The following GALNT18 variants were observed in gnomAD, a reference collection of about 807,000 sequenced individuals.
GALNT18 encodes the protein GalNAc-transferase 18.
A neutral mutation model predicts 69.5 loss-of-function variants in GALNT18; 44 were observed. The observed-to-expected ratio is 0.63, with a 90% CI of 0.50 to 0.81. The LOEUF is 0.81. Ranked by LOEUF, GALNT18 falls within the 40% of genes least tolerant of loss-of-function variation. GALNT18 has a pLI of 0.00. For synonymous variants in GALNT18, 364 were observed against 318.2 expected (o/e 1.14, Z -1.53); for missense variants, 715 against 810.0 (o/e 0.88, Z 1.42).
At chr11:11,462,937 G>A (rs940293872) in intron 1 of GALNT18, among the ~76,000 whole-genome samples, 3 of 152,112 alleles carry the variant, frequency 2.0e-5, no homozygotes, top group South Asian at 2.1e-4. Context: ...AAACCCCAGA[G>A]CCTGAGCCCT....
chr11:11,526,503 T>C (rs1471943399), intron 1 of GALNT18, among the ~76,000 whole-genome samples: 1 of 152,230 alleles, frequency 6.6e-6, no homozygotes, highest in African/African-American at 2.4e-5. Flanking sequence ...AAATACATCA[T>C]TCTTTCTTTT....
In GALNT18 at chr11:11,318,457, G is replaced by C. The variant is rs950226679; in HGVS notation, c.1512+8629C>G. On this transcript the variant is annotated intron_variant, in intron 9 of 10. Coordinates refer to ENST00000227756, the MANE Select transcript of GALNT18 (RefSeq NM_198516.3). The surrounding 1 kb of genome is among the most constrained non-coding windows in gnomAD (Gnocchi z 5.1). ...TGATGTTAAGCTGCTACAAGCCAAGGGACCAGCAGAAGTTAGGAGAGTGCC... is the reference window on the plus strand; with the variant it reads ...TGATGTTAAGCTGCTACAAGCCAAGCGACCAGCAGAAGTTAGGAGAGTGCC... 1.3e-5 allele frequency among the ~76,000 whole-genome samples: 2 copies of C among 152,144 alleles called. No homozygotes were observed. Among genetic ancestry groups the C allele is most frequent in the Non-Finnish European group, 2.9e-5 (2 of 68,034 alleles).
At chr11:11,579,568 C>A (rs925375898) in intron 1 of GALNT18, among the ~76,000 whole-genome samples, 1 of 152,160 alleles carries the variant, frequency 6.6e-6, no homozygotes, top group African/African-American at 2.4e-5. Context: ...CCAGGGTACC[C>A]CATGGGCATC....
chr11:11,329,009 G>T (rs1037962837), intron 8 of GALNT18, among the ~76,000 whole-genome samples: 5 of 151,882 alleles, frequency 3.3e-5, no homozygotes, highest in African/African-American at 1.2e-4. Context: ...CATCCCTTAG[G>T]CAGGTAGTCC....
Position 11,465,486 on chromosome 11 carries a change from T to C in GALNT18, c.236-16550A>G, listed in dbSNP as rs1350105508. Among the ~76,000 whole-genome samples the C allele has an allele frequency of 2.0e-5, 3 of 152,118 alleles. No homozygotes were observed. Among genetic ancestry groups the C allele is most frequent in the African/African-American group, 7.2e-5 (3 of 41,408 alleles). ...CTCTGATCCTGGGGCTCGTGATCCGTATCCATGGCAGCTCAGTAGCCACAG... is the reference window on the plus strand; with the variant it reads ...CTCTGATCCTGGGGCTCGTGATCCGCATCCATGGCAGCTCAGTAGCCACAG... On this transcript the variant is annotated intron_variant, in intron 1 of 10. Coordinates refer to ENST00000227756, the MANE Select transcript of GALNT18 (RefSeq NM_198516.3). The surrounding 1 kb of genome is among the most constrained non-coding windows in gnomAD (Gnocchi z 5.7).
chr11:11,408,364 C>CAAAAA (rs57957956), intron 3 of GALNT18, among the ~76,000 whole-genome samples: 2 of 70,898 alleles, frequency 2.8e-5, no homozygotes, highest in African/African-American at 1.0e-4. Flanking sequence ...GACTTCATCT[C>CAAAAA]AAAAAAAAAA....
intron 9 of GALNT18, among the ~76,000 whole-genome samples, chr11:11,302,647 C>T (rs1186015127): frequency 6.6e-6 from 1 of 152,168 alleles, no homozygotes; most frequent in African/African-American, 2.4e-5. Flanking sequence ...GGGTGGTAGG[C>T]CAGGCCTCAG....
rs935821395 is a variant in GALNT18, at chr11:11,523,502, G to C, written c.236-74566C>G. The stretch of plus-strand genomic sequence containing the variant: ...TGGGAGGCTGAGGCGGGTGGATCAT[G>C]AGGTCAGGAGATCGAGACCATCTTG... On this transcript the variant is annotated intron_variant, in intron 1 of 10. Coordinates refer to ENST00000227756, the MANE Select transcript of GALNT18 (RefSeq NM_198516.3). The surrounding 1 kb of genome is among the most constrained non-coding windows in gnomAD (Gnocchi z 4.3). 6.6e-6 allele frequency among the ~76,000 whole-genome samples: 1 copy of C among 152,084 alleles called. No homozygotes were observed. The highest frequency in any genetic ancestry group is 1.5e-5 in the Non-Finnish European group (1 of 68,022).
chr11:11,588,422 G>A (rs971774188), intron 1 of GALNT18, among the ~76,000 whole-genome samples: 1 of 152,212 alleles, frequency 6.6e-6, no homozygotes, highest in East Asian at 1.9e-4. Context: ...AGGAAGAGTA[G>A]GAGGGAGGGA....
chr11:11,306,379 G>A (rs1460788637), intron 9 of GALNT18, among the ~76,000 whole-genome samples: 1 of 150,478 alleles, frequency 6.6e-6, no homozygotes, highest in African/African-American at 2.4e-5. Context: ...GATCCAGTAG[G>A]AAGATGTTAG....
At chr11:11,272,958 C>CT (rs1554907313) in intron 10 of GALNT18, among the ~76,000 whole-genome samples, 5 of 152,256 alleles carry the variant, frequency 3.3e-5, no homozygotes, top group African/African-American at 1.2e-4. Context: ...AAAGGACAGT[C>CT]TTTTCAATAA....
At chr11:11,405,049 C>G (rs189251607) in intron 3 of GALNT18, among the ~76,000 whole-genome samples, 13 of 152,300 alleles carry the variant, frequency 8.5e-5, no homozygotes, top group East Asian at 7.7e-4. Context: ...GGCCAGACAC[C>G]TTCTTGTACC....
At chr11:11,529,143 G>A (rs904137995) in intron 1 of GALNT18, among the ~76,000 whole-genome samples, 1 of 152,240 alleles carries the variant, frequency 6.6e-6, no homozygotes, top group African/African-American at 2.4e-5. Context: ...GATACCCATT[G>A]ATGCATGAGG....
At chr11:11,288,213 G>A (rs559462059) in intron 10 of GALNT18, among the ~76,000 whole-genome samples, 83 of 152,174 alleles carry the variant, frequency 5.5e-4, no homozygotes, top group Non-Finnish European at 9.9e-4. Context: ...ATCATTATCT[G>A]CTCTACATGA....
intron 1 of GALNT18, among the ~76,000 whole-genome samples, chr11:11,531,650 G>A (rs1857651563): frequency 6.6e-6 from 1 of 152,126 alleles, no homozygotes; most frequent in South Asian, 2.1e-4. Flanking sequence ...CACAGGGACT[G>A]TATCTTGCAC....
chr11:11,398,527 G>A (rs1396305520), intron 3 of GALNT18, among the ~76,000 whole-genome samples: 1 of 152,182 alleles, frequency 6.6e-6, no homozygotes, highest in African/African-American at 2.4e-5. Context: ...GCTCATAAGT[G>A]GCAGAACCAG....
chr11:11,469,862 T>G lies in GALNT18; in HGVS notation c.236-20926A>C, dbSNP rs1856233462. ...CCCCTCAGCCTGTCTTCCACTCAGC[T>G]CCATTGGAGAAGAGCATATTTAAGG... On this transcript the variant is annotated intron_variant, in intron 1 of 10. Transcript: ENST00000227756. This position sits in a 1 kb window ranked among gnomAD's most constrained non-coding sequence, Gnocchi z 4.2. Among the ~76,000 whole-genome samples, 1 of 152,082 alleles carries G rather than the reference T, an allele frequency of 6.6e-6. No individual in the cohort carries two copies.
intron 6 of GALNT18, among the ~76,000 whole-genome samples, chr11:11,370,588 G>GAAAA (rs67012287): frequency 6.9e-6 from 1 of 145,696 alleles, no homozygotes; most frequent in Non-Finnish European, 1.5e-5. Context: ...AGAGATGGAG[G>GAAAA]AAAAAAAAAA....
chr11:11,400,455 C>G (rs1203089859), intron 3 of GALNT18, among the ~76,000 whole-genome samples: 2 of 152,228 alleles, frequency 1.3e-5, no homozygotes, highest in Non-Finnish European at 2.9e-5. Context: ...CTGCGGCAAA[C>G]CAGAGAATGT....
Sources: allele counts gnomAD v4.1 joint callset (sites outside exome capture counted in the v4.1 genomes callset), GRCh38; gene constraint gnomAD v4.1.1; non-coding constraint Gnocchi (gnomAD v3.1); transcripts MANE v1.5; gene names NCBI Gene and HGNC (gene_info 2026-07-23, HGNC 2026-07-21).